TRMT9B: variants seen among roughly 807,000 people sequenced by gnomAD.
TRMT9B encodes the protein tRNA methyltransferase 9B (putative), also known as probable tRNA methyltransferase 9B.
In TRMT9B, 16 loss-of-function variants were observed where a neutral mutation model predicts 11.5. That is an observed-to-expected ratio of 1.39 (90% CI 0.94 to 2.11). The LOEUF (loss-of-function observed/expected upper bound fraction) is 2.11. Ranked by LOEUF, TRMT9B falls within the 30% of genes most tolerant of loss-of-function variation. The pLI is 0.00. For missense variants in TRMT9B, 941 were observed against 553.8 expected (o/e 1.70, Z -7.02); for synonymous variants, 274 against 192.4 (o/e 1.42, Z -3.51).
At position 13,012,678 on chromosome 8, in the gene TRMT9B, T is replaced by G; in HGVS notation, c.155-6T>G. The G allele has an allele frequency of 6.2e-7, 1 of 1,610,676 alleles. No homozygotes were observed. The highest frequency in any genetic ancestry group is 1.3e-5 in the African/African-American group (1 of 74,970). On this transcript the variant is annotated splice_region_variant and splice_polypyrimidine_tract_variant and intron_variant, in intron 3 of 4. Transcript: ENST00000524591. ...ATAGCATGTAACGCAGGTTTTTCTCTTATAGGTTGTGGGACTGGAAAATAT... is the reference window on the plus strand; with the variant it reads ...ATAGCATGTAACGCAGGTTTTTCTCGTATAGGTTGTGGGACTGGAAAATAT...
intron 4 of TRMT9B, among the ~76,000 whole-genome samples, chr8:13,013,732 C>G (rs527888996): frequency 6.6e-6 from 1 of 152,228 alleles, no homozygotes; most frequent in African/African-American, 2.4e-5. Flanking sequence ...GTGGGTGTAT[C>G]AGGAGGTCAG....
chr8:13,026,183 G>C lies in TRMT9B; in HGVS notation c.*4139G>C, dbSNP rs1346203757. On this transcript the variant is annotated 3_prime_UTR_variant, in exon 5 of 5. Transcript: ENST00000524591. ...TGCAGTCTAAGAAAAACAAATTAGG[G>C]CAGGCCTCAGCATCTCTTTCCTATT... 1.8e-5 allele frequency: 3 copies of C among 166,992 alleles called. No homozygotes were observed. Among genetic ancestry groups the C allele is most frequent in the Non-Finnish European group, 4.4e-5 (3 of 68,118 alleles). The allele number at this position is 166,992 out of a possible 1,614,324, so 10.3% of individuals were successfully genotyped here. A position where few individuals can be genotyped will look rare whatever the true frequency, so the allele number is the denominator to read the frequency against.
intron 2 of TRMT9B, among the ~76,000 whole-genome samples, chr8:12,998,574 C>T (rs1323069375): frequency 6.6e-6 from 1 of 152,168 alleles, no homozygotes; most frequent in Non-Finnish European, 1.5e-5. Flanking sequence ...TTACCCTGGC[C>T]TCTGTGCTAA....
Position 13,012,280 on chromosome 8 carries a change from A to G in TRMT9B, c.155-404A>G, listed in dbSNP as rs960701673. Reference sequence around the variant, plus strand: ...TTGTATTCTGTCTTGGTTAGTTAAAAAAAAAAAAAAAGTTGGCCAGGCACA... The same window carrying G: ...TTGTATTCTGTCTTGGTTAGTTAAAGAAAAAAAAAAAGTTGGCCAGGCACA... On this transcript the variant is annotated intron_variant, in intron 3 of 4. Coordinates refer to ENST00000524591, the MANE Select transcript of TRMT9B (RefSeq NM_020844.3). 7 of 974,166 alleles carry G rather than the reference A, an allele frequency of 7.2e-6. No individual in the cohort carries two copies. In the African/African-American group the frequency reaches 1.2e-4, roughly 17 times the overall value. The allele number at this position is 974,166 out of a possible 1,614,324, so 60.3% of individuals were successfully genotyped here.
At position 13,021,222 on chromosome 8, in the gene TRMT9B, T is replaced by A; in HGVS notation, c.543T>A (p.Cys181Ter). ...GCCAGTCTGGGAGGAAGAGGCAGTGTGGATACCCAGAAAGAGGCCATCCCT... is the reference window on the plus strand; with the variant it reads ...GCCAGTCTGGGAGGAAGAGGCAGTGAGGATACCCAGAAAGAGGCCATCCCT... ...ESSQSGRKRQ[C>*]GYPERGHPYH... The change falls in exon 5 of 5, where the codon TGT becomes TGA. Residue 181 changes from cysteine to a stop codon, truncating the protein, a stop_gained. Transcript: ENST00000524591. LOFTEE classifies it low-confidence loss of function (END_TRUNC). The A allele has an allele frequency of 6.2e-7, 1 of 1,613,882 alleles. No homozygotes were observed. The highest frequency in any genetic ancestry group is 8.5e-7 in the Non-Finnish European group (1 of 1,179,830).
chr8:12,980,375 T>C (rs1805161236), intron 1 of TRMT9B, among the ~76,000 whole-genome samples: 1 of 151,394 alleles, frequency 6.6e-6, no homozygotes, highest in Non-Finnish European at 1.5e-5. Context: ...GATCTCGCCT[T>C]GAAATCTTTA....
At chr8:13,016,188 T>A in intron 4 of TRMT9B, among the ~76,000 whole-genome samples, 1 of 145,922 alleles carries the variant, frequency 6.9e-6, no homozygotes, top group Non-Finnish European at 1.5e-5. Flanking sequence ...TAAATATAAA[T>A]GTGAAATATA....
chr8:12,995,044 C>G (rs1446456402), intron 2 of TRMT9B, among the ~76,000 whole-genome samples: 1 of 152,212 alleles, frequency 6.6e-6, no homozygotes, highest in Non-Finnish European at 1.5e-5. Flanking sequence ...CAGCTCCCGA[C>G]TTCTCATGCA....
At chr8:12,967,796 G>A (rs1803027589) in intron 1 of TRMT9B, among the ~76,000 whole-genome samples, 1 of 152,230 alleles carries the variant, frequency 6.6e-6, no homozygotes, top group Non-Finnish European at 1.5e-5. Context: ...TAACAAATGG[G>A]TTTTGAAGCA....
At chr8:12,991,741 T>C (rs1349662640) in intron 2 of TRMT9B, among the ~76,000 whole-genome samples, 2 of 152,200 alleles carry the variant, frequency 1.3e-5, no homozygotes, top group South Asian at 2.1e-4. Flanking sequence ...AAGACCAGCC[T>C]GGCCAACATG....
chr8:12,973,113 A>G (rs1803885674), intron 1 of TRMT9B, among the ~76,000 whole-genome samples: 1 of 152,126 alleles, frequency 6.6e-6, no homozygotes, highest in Admixed American at 6.5e-5. Flanking sequence ...GGCTTATTTC[A>G]CTGAGCATAA....
rs192192763 is a variant in TRMT9B, at chr8:12,986,123, A to G, written c.-199-4711A>G. Among the ~76,000 whole-genome samples the G allele has an allele frequency of 3.9e-3, 597 of 152,240 alleles. 5 individuals carry two copies. The highest frequency in any genetic ancestry group is 0.014 in the African/African-American group (564 of 41,540). On this transcript the variant is annotated intron_variant, in intron 1 of 4. Coordinates refer to ENST00000524591, the MANE Select transcript of TRMT9B (RefSeq NM_020844.3). ...GTGATCTGCCTATCCCGGCCTCCCA[A>G]AGTGCTGGGATTACAGGCATGAGCC...
intron 1 of TRMT9B, among the ~76,000 whole-genome samples, chr8:12,979,507 GTGTT>G (rs1805017301): frequency 6.6e-6 from 1 of 152,060 alleles, no homozygotes. Flanking sequence ...ATAAAGGTTT[GTGTT>G]TCTTTTTTCT....
chr8:12,985,966 A>G (rs1340975872), intron 1 of TRMT9B, among the ~76,000 whole-genome samples: 3 of 151,894 alleles, frequency 2.0e-5, no homozygotes, highest in African/African-American at 7.3e-5. Context: ...GTTCAAATGG[A>G]TTCTCCTGCC....
At position 13,022,381 on chromosome 8, in the gene TRMT9B, A is replaced by C. The variant is rs1365487985; in HGVS notation, c.*337A>C. The C allele has an allele frequency of 9.9e-6, 2 of 201,212 alleles. No homozygotes were observed. The highest frequency in any genetic ancestry group is 6.0e-5 in the Admixed American group (1 of 16,770). 12.5% of individuals were successfully genotyped at this position (201,212 alleles called of 1,614,324 possible). The stretch of plus-strand genomic sequence containing the variant: ...TTTCAGTATTACACATTGATTTAAA[A>C]AGATTATGCTGTTAAATAATCTTTT... On this transcript the variant is annotated 3_prime_UTR_variant, in exon 5 of 5. Transcript: ENST00000524591.
intron 1 of TRMT9B, among the ~76,000 whole-genome samples, chr8:12,971,200 A>G (rs1175077373): frequency 6.6e-6 from 1 of 152,110 alleles, no homozygotes. Context: ...ATTATCAAAT[A>G]CTGGTATTTA....
chr8:12,949,554 G>A (rs1800437039), intron 1 of TRMT9B, among the ~76,000 whole-genome samples: 1 of 152,054 alleles, frequency 6.6e-6, no homozygotes, highest in Non-Finnish European at 1.5e-5. Context: ...GCTTATGATG[G>A]CCTCAACTAG....
At position 13,011,638 on chromosome 8, in the gene TRMT9B, C is replaced by T. The variant is rs1047936822; in HGVS notation, c.155-1046C>T. 4 of 975,204 alleles carry T rather than the reference C, an allele frequency of 4.1e-6. No homozygotes were observed. The African/African-American group carries it at 7.1e-5, about 17-fold the overall frequency. The allele number at this position is 975,204 out of a possible 1,614,324, so 60.4% of individuals were successfully genotyped here. The stretch of plus-strand genomic sequence containing the variant: ...TTTATTCATTCATGTTACTACCTAC[C>T]TCAATCATAACATCAGTAAGACCTC... On this transcript the variant is annotated intron_variant, in intron 3 of 4. Coordinates refer to ENST00000524591, the MANE Select transcript of TRMT9B (RefSeq NM_020844.3).
At chr8:13,020,112 A>C (rs1323526864) in intron 4 of TRMT9B, among the ~76,000 whole-genome samples, 1 of 152,198 alleles carries the variant, frequency 6.6e-6, no homozygotes, top group East Asian at 1.9e-4. Context: ...CAGTTGGATT[A>C]TTTTGACCCT....
Sources: gnomAD v4.1 joint callset for allele counts (sites outside exome capture counted in the v4.1 genomes callset) on GRCh38, gnomAD v4.1.1 for gene constraint, MANE v1.5 for transcripts, NCBI Gene and HGNC (gene_info 2026-07-23, HGNC 2026-07-21) for gene names.